Variants in STXBP4 observed in about 807,000 individuals in gnomAD.
The protein encoded by STXBP4 is syntaxin binding protein 4.
STXBP4 carries 55 observed loss-of-function variants against 76.1 expected under a neutral mutation model. The observed-to-expected ratio is 0.72, with a 90% CI of 0.58 to 0.91. The LOEUF (loss-of-function observed/expected upper bound fraction) is 0.91, where lower values mean the gene tolerates loss of function less well. Among genes scored for constraint, STXBP4 ranks in the 40% least tolerant of loss-of-function variants. The probability of loss-of-function intolerance (pLI) is 0.00; values close to 1 mark genes in which losing one functional copy is unlikely to be tolerated. For synonymous variants in STXBP4, 201 were observed against 220.2 expected (o/e 0.91, Z 0.77); for missense variants, 618 against 636.9 (o/e 0.97, Z 0.32).
At position 55,163,781 on chromosome 17, in the gene STXBP4, C is replaced by A. The variant is rs951764446; in HGVS notation, c.*3870C>A. The A allele has an allele frequency of 6.6e-6, 1 of 152,330 alleles. No individual in the cohort carries two copies. Among genetic ancestry groups the A allele is most frequent in the Admixed American group, 6.6e-5 (1 of 15,266 alleles). The allele number at this position is 152,330 out of a possible 1,614,324, so 9.4% of individuals were successfully genotyped here. ...ACCCCTGAAGAGCAACCCTTTACCACTCTCTTAAATTTGAAAAATTCCAAA... is the reference window on the plus strand; with the variant it reads ...ACCCCTGAAGAGCAACCCTTTACCAATCTCTTAAATTTGAAAAATTCCAAA... On this transcript the variant is annotated 3_prime_UTR_variant, in exon 18 of 18. Coordinates refer to ENST00000376352, the MANE Select transcript of STXBP4 (RefSeq NM_178509.6).
intron 17 of STXBP4, among the ~76,000 whole-genome samples, chr17:55,156,831 G>A (rs990697235): frequency 2.0e-4 from 31 of 152,196 alleles, no homozygotes; most frequent in African/African-American, 7.5e-4. Context: ...TGTATTTGGA[G>A]TAAGATCAGA....
intron 17 of STXBP4, among the ~76,000 whole-genome samples, chr17:55,153,567 A>T (rs1051283381): frequency 1.3e-5 from 2 of 148,692 alleles, no homozygotes; most frequent in Non-Finnish European, 3.0e-5. Flanking sequence ...GTTGAAAAAT[A>T]TGTTTTAAAT....
chr17:55,149,169 G>T (rs1271813058), intron 17 of STXBP4, among the ~76,000 whole-genome samples: 1 of 152,172 alleles, frequency 6.6e-6, no homozygotes, highest in African/African-American at 2.4e-5. Context: ...TGAATGAGTT[G>T]TAAGGTATTG....
intron 12 of STXBP4, among the ~76,000 whole-genome samples, chr17:55,057,865 T>A (rs2078948718): frequency 6.6e-6 from 1 of 152,140 alleles, no homozygotes; most frequent in Non-Finnish European, 1.5e-5. Flanking sequence ...CATCCATGTA[T>A]CTGCAAAGGA....
the STXBP4 span, among the ~76,000 whole-genome samples, chr17:55,205,687 C>T: frequency 6.6e-6 from 1 of 151,356 alleles, no homozygotes; most frequent in African/African-American, 2.4e-5. Flanking sequence ...ATCTGAGAAA[C>T]AAAATAAGAG....
chr17:55,086,588 C>G (rs1358540768), intron 16 of STXBP4, among the ~76,000 whole-genome samples: 1 of 152,122 alleles, frequency 6.6e-6, no homozygotes, highest in African/African-American at 2.4e-5. Flanking sequence ...CTCTGTTCTA[C>G]TTTTTACTTC....
chr17:54,973,255 T>C (rs1261126126), intron 1 of STXBP4, among the ~76,000 whole-genome samples: 2 of 152,240 alleles, frequency 1.3e-5, no homozygotes, highest in Non-Finnish European at 2.9e-5. Context: ...TCTGACTCCT[T>C]ACAACTTGCT....
intron 7 of STXBP4, among the ~76,000 whole-genome samples, 165 bp from the exon 8 acceptor site, chr17:55,007,341 A>C (rs920583916): frequency 3.4e-5 from 5 of 148,892 alleles, no homozygotes. Flanking sequence ...CCCCCCTCCA[A>C]AAAAAAAAAA....
At chr17:54,999,943 G>T in intron 6 of STXBP4, 101 bp downstream of exon 6, 3 of 848,412 alleles carry the variant, frequency 3.5e-6, no homozygotes, top group South Asian at 2.2e-5. Flanking sequence ...CAGTAAAATT[G>T]TTAACAAATT....
intron 16 of STXBP4, among the ~76,000 whole-genome samples, chr17:55,086,232 T>G (rs2079326344): frequency 6.6e-6 from 1 of 152,166 alleles, no homozygotes; most frequent in African/African-American, 2.4e-5. Flanking sequence ...AATTATGCAA[T>G]CAGGTTTTTT....
chr17:55,187,282 C>G, the STXBP4 span, among the ~76,000 whole-genome samples: 2 of 152,112 alleles, frequency 1.3e-5, no homozygotes, highest in Admixed American at 1.3e-4. Flanking sequence ...CAGAAGATGA[C>G]TTATTACATT....
intron 16 of STXBP4, 26 bp downstream of exon 16, chr17:55,081,209 T>G (rs2079250845): frequency 1.4e-6 from 2 of 1,392,104 alleles, no homozygotes; most frequent in African/African-American, 3.0e-5. Flanking sequence ...TTTTTCACTT[T>G]TTAAAAGTAA....
At chr17:55,101,286 C>A (rs952412608) in intron 16 of STXBP4, among the ~76,000 whole-genome samples, 1 of 152,136 alleles carries the variant, frequency 6.6e-6, no homozygotes, top group African/African-American at 2.4e-5. Context: ...CTTTTAGGCA[C>A]TCTTCAGACT....
the STXBP4 span, among the ~76,000 whole-genome samples, chr17:55,204,855 C>T: frequency 6.7e-6 from 1 of 149,844 alleles, no homozygotes; most frequent in Non-Finnish European, 1.5e-5. Context: ...AACACACATA[C>T]CCCTTCAAAA....
chr17:55,126,051 C>A (rs2079908286), intron 16 of STXBP4, among the ~76,000 whole-genome samples: 1 of 152,120 alleles, frequency 6.6e-6, no homozygotes, highest in Non-Finnish European at 1.5e-5. Context: ...TAGCTGCTGC[C>A]TAAGAAATAG....
rs75704034 is a variant in STXBP4 at position 55,079,661 on chromosome 17, G to A, written c.1355+926G>A. On this transcript the variant is annotated intron_variant, in intron 15 of 17. Transcript: ENST00000376352. ...TGCATTCCTATATTCCCAGCTACTT[G>A]GGAGGTTGAGGCAGGAGGATTGCTG... Among the ~76,000 whole-genome samples the A allele has an allele frequency of 1.8e-3, 271 of 151,980 alleles. 1 individual carries two copies. Among genetic ancestry groups the A allele is most frequent in the African/African-American group, 6.2e-3 (257 of 41,430 alleles).
At chr17:55,144,813 T>A (rs550103351) in intron 17 of STXBP4, among the ~76,000 whole-genome samples, 8 of 152,182 alleles carry the variant, frequency 5.3e-5, no homozygotes, top group Non-Finnish European at 1.2e-4. Context: ...AAACTTTAAT[T>A]AAAATGACAC....
chr17:55,199,503 G>T, the STXBP4 span, among the ~76,000 whole-genome samples: 1 of 152,100 alleles, frequency 6.6e-6, no homozygotes, highest in East Asian at 1.9e-4. Flanking sequence ...CATCGTATTT[G>T]CCATCCACTA....
At chr17:55,000,339 A>G in intron 6 of STXBP4, 2 of 816,786 alleles carry the variant, frequency 2.4e-6, no homozygotes, top group Non-Finnish European at 3.0e-6. Context: ...CTATATCAGA[A>G]TTAACATACT....
Sources: gnomAD v4.1 joint callset for allele counts (sites outside exome capture counted in the v4.1 genomes callset) on GRCh38, gnomAD v4.1.1 for gene constraint, MANE v1.5 for transcripts, NCBI Gene and HGNC (gene_info 2026-07-23, HGNC 2026-07-21) for gene names.